ARHGAP29: variants seen among roughly 807,000 people sequenced by gnomAD.
ARHGAP29 encodes the protein rho GTPase-activating protein 29.
A neutral mutation model predicts 122.6 loss-of-function variants in ARHGAP29; 43 were observed. The observed-to-expected ratio is 0.35, with a 90% CI of 0.27 to 0.45. The LOEUF is 0.45. Ranked by LOEUF, ARHGAP29 falls within the 20% of genes least tolerant of loss-of-function variation. ARHGAP29 has a pLI of 1.00. For missense variants in ARHGAP29, 1,303 were observed against 1,477.2 expected, an observed-to-expected ratio of 0.88 and a Z score of 1.93; for synonymous variants, 506 against 497.1, an observed-to-expected ratio of 1.02 and a Z score of -0.24.
At chr1:94,247,731 C>T in intron 1 of ARHGAP29, 1 of 753,222 alleles carries the variant, frequency 1.3e-6, no homozygotes, top group African/African-American at 1.9e-5. Context: ...CCACAGCGGC[C>T]GCCGCCTTTG....
intron 3 of ARHGAP29, among the ~76,000 whole-genome samples, chr1:94,210,648 T>C (rs951588105): frequency 3.3e-5 from 5 of 152,172 alleles, no homozygotes; most frequent in African/African-American, 9.6e-5. Flanking sequence ...TCTTAAATAA[T>C]GGGCATTTAA....
chr1:94,275,510 A>G (rs929455838), upstream of ARHGAP29, among the ~76,000 whole-genome samples: 2 of 152,196 alleles, frequency 1.3e-5, no homozygotes, highest in African/African-American at 4.8e-5. Context: ...TGATGCCTGT[A>G]TGCTCAATTC....
chr1:94,295,826 C>A, the ARHGAP29 span, among the ~76,000 whole-genome samples: 2 of 78,692 alleles, frequency 2.5e-5, no homozygotes, highest in Admixed American at 2.5e-4. Flanking sequence ...GAACTACTTA[C>A]AACAGTGCAG....
At position 94,170,010 on chromosome 1, in the gene ARHGAP29, T is replaced by C. The variant is rs1648625350; in HGVS notation, c.*3859A>G. On this transcript the variant is annotated 3_prime_UTR_variant, in exon 23 of 23. Coordinates refer to ENST00000260526, the MANE Select transcript of ARHGAP29 (RefSeq NM_004815.4). The stretch of plus-strand genomic sequence containing the variant: ...AGAGCTCTTCCTTACAGTAGTAGGA[T>C]GCCAACCAAGGCAGAAGCCACGGAC... Among the ~76,000 whole-genome samples, 1 of 152,134 alleles carries C rather than the reference T, an allele frequency of 6.6e-6. No homozygotes were observed. The highest frequency in any genetic ancestry group is 2.1e-4 in the South Asian group (1 of 4,822).
intron 15 of ARHGAP29, among the ~76,000 whole-genome samples, chr1:94,186,987 G>A (rs1202892548): frequency 6.6e-6 from 1 of 152,172 alleles, no homozygotes; most frequent in Admixed American, 6.5e-5. Context: ...GCTGAATTAA[G>A]TTATAAATGT....
chr1:94,221,933 G>T (rs1315874768), intron 2 of ARHGAP29, among the ~76,000 whole-genome samples: 1 of 147,880 alleles, frequency 6.8e-6, no homozygotes, highest in Non-Finnish European at 1.5e-5. Context: ...TTCAAGATAA[G>T]TAACAAGCAT....
At chr1:94,289,081 G>A in the ARHGAP29 span, among the ~76,000 whole-genome samples, 1 of 152,178 alleles carries the variant, frequency 6.6e-6, no homozygotes, top group Non-Finnish European at 1.5e-5. Context: ...TAACTTGGCA[G>A]TATGGCCATT....
At chr1:94,255,833 G>A (rs1654326917) in intron 1 of ARHGAP29, among the ~76,000 whole-genome samples, 1 of 152,194 alleles carries the variant, frequency 6.6e-6, no homozygotes, top group Non-Finnish European at 1.5e-5. Flanking sequence ...AGTTAGTGTG[G>A]CAGTTTTAGG....
intron 12 of ARHGAP29, chr1:94,193,592 A>G (rs1157652618): frequency 2.0e-5 from 3 of 152,240 alleles, no homozygotes; most frequent in Admixed American, 2.0e-4. Flanking sequence ...TCATATGATT[A>G]CTGGTATCTC....
intron 12 of ARHGAP29, chr1:94,192,102 T>C (rs1650164233): frequency 6.6e-6 from 1 of 152,152 alleles, no homozygotes; most frequent in Non-Finnish European, 1.5e-5. Flanking sequence ...AATAATATAT[T>C]AATTAATCAA....
At chr1:94,273,474 C>A (rs986136803) in intron 1 of ARHGAP29, among the ~76,000 whole-genome samples, 2 of 152,116 alleles carry the variant, frequency 1.3e-5, no homozygotes, top group Admixed American at 6.5e-5. Context: ...ATACAAAAAA[C>A]CATTTGATAT....
the ARHGAP29 span, among the ~76,000 whole-genome samples, chr1:94,298,772 T>C: frequency 6.6e-6 from 1 of 152,356 alleles, no homozygotes; most frequent in South Asian, 2.1e-4. Flanking sequence ...TTCATTTACA[T>C]GGTTTCACAT....
the ARHGAP29 span, among the ~76,000 whole-genome samples, chr1:94,287,673 C>T: frequency 7.2e-5 from 11 of 152,096 alleles, no homozygotes; most frequent in East Asian, 1.7e-3. Flanking sequence ...CACAACAGGC[C>T]CTGGTGTGTG....
At chr1:94,212,969 C>T (rs1358674200) in intron 3 of ARHGAP29, among the ~76,000 whole-genome samples, 1 of 152,084 alleles carries the variant, frequency 6.6e-6, no homozygotes. Context: ...GTTACTAACA[C>T]ACTCAAATCT....
chr1:94,246,752 G>C (rs12096080), intron 1 of ARHGAP29, among the ~76,000 whole-genome samples: 270 of 152,242 alleles, frequency 1.8e-3, no homozygotes, highest in African/African-American at 6.0e-3. Flanking sequence ...ATCACAGACC[G>C]GGTCCTGGGA....
chr1:94,185,111 C>T, intron 17 of ARHGAP29, 51 bp from the exon 18 acceptor site: 1 of 1,501,804 alleles, frequency 6.7e-7, no homozygotes, highest in Non-Finnish European at 9.0e-7. Context: ...CTATTCACAA[C>T]TGGGCAAACT....
intron 2 of ARHGAP29, among the ~76,000 whole-genome samples, chr1:94,229,324 T>C (rs558681796): frequency 2.0e-5 from 3 of 151,924 alleles, no homozygotes; most frequent in South Asian, 2.1e-4. Flanking sequence ...GTAATACTTT[T>C]ATTAAGTAAA....
chr1:94,251,597 T>C (rs1654097179), intron 1 of ARHGAP29, among the ~76,000 whole-genome samples: 1 of 152,228 alleles, frequency 6.6e-6, no homozygotes. Context: ...ATTCTACCTC[T>C]GCGTCTCTGT....
chr1:94,285,150 T>C, the ARHGAP29 span, among the ~76,000 whole-genome samples: 2 of 152,170 alleles, frequency 1.3e-5, no homozygotes, highest in African/African-American at 4.8e-5. Context: ...GTTCATAATT[T>C]CATGAGTGAG....
Sources: allele counts gnomAD v4.1 joint callset (sites outside exome capture counted in the v4.1 genomes callset), GRCh38; gene constraint gnomAD v4.1.1; transcripts MANE v1.5; gene names NCBI Gene and HGNC (gene_info 2026-07-23, HGNC 2026-07-21).